Variants in PARVA observed in about 807,000 individuals in gnomAD.
PARVA encodes the protein alpha-parvin.
PARVA carries 25 observed loss-of-function variants against 52.6 expected under a neutral mutation model. The observed-to-expected ratio is 0.48, with a 90% confidence interval of 0.35 to 0.66. The LOEUF is 0.66. Ranked by LOEUF, PARVA falls within the 30% of genes least tolerant of loss-of-function variation. The pLI, the probability that PARVA is intolerant of heterozygous loss-of-function variation, is 0.01. For missense variants in PARVA, 373 were observed against 450.9 expected (o/e 0.83, Z 1.56); for synonymous variants, 185 against 179.1 (o/e 1.03, Z -0.26).
At position 12,517,693 on chromosome 11, in the gene PARVA, G is replaced by A. The variant is rs138164064; in HGVS notation, c.951G>A (p.Pro317=). The A allele has an allele frequency of 4.0e-5, 64 of 1,600,042 alleles. No homozygotes were observed. The highest frequency in any genetic ancestry group is 1.7e-4 in the South Asian group (15 of 88,244). ...CCCTGCACAGCTTCTTCCTGACCCC[G>A]GACAGCTTTGAACAGAAGGTAAGGA... is the stretch of plus-strand genomic sequence containing the variant. ...FVPLHSFFLT[P]DSFEQKVLNV... is the part of the protein sequence containing the mutation. Residue 317 remains proline, a synonymous_variant, in exon 11 of 13, where the codon CCG becomes CCA. Coordinates refer to ENST00000334956, the MANE Select transcript of PARVA (RefSeq NM_018222.5).
chr11:12,494,025 T>C (rs1941264815), intron 4 of PARVA, among the ~76,000 whole-genome samples: 1 of 152,172 alleles, frequency 6.6e-6, no homozygotes, highest in African/African-American at 2.4e-5. Flanking sequence ...TCAGATATGA[T>C]CATTTGCTAG....
chr11:12,451,911 C>T (rs552294488), intron 1 of PARVA, among the ~76,000 whole-genome samples: 6 of 152,062 alleles, frequency 3.9e-5, no homozygotes, highest in Non-Finnish European at 8.8e-5. Flanking sequence ...ATGGAAAGAG[C>T]CCCTTTCTCA....
chr11:12,475,125 G>A (rs1208358255), intron 3 of PARVA, among the ~76,000 whole-genome samples: 1 of 152,150 alleles, frequency 6.6e-6, no homozygotes, highest in African/African-American at 2.4e-5. Flanking sequence ...TTCAACCTGA[G>A]ATCAGCCACT....
At chr11:12,452,029 C>T (rs1415783670) in intron 1 of PARVA, among the ~76,000 whole-genome samples, 10 of 151,798 alleles carry the variant, frequency 6.6e-5, no homozygotes, top group Admixed American at 6.6e-4. Context: ...GGGTGAAGTA[C>T]CCCAGATAGT....
At chr11:12,417,428 G>A (rs1589949759) in intron 1 of PARVA, among the ~76,000 whole-genome samples, 1 of 151,902 alleles carries the variant, frequency 6.6e-6, no homozygotes, top group Non-Finnish European at 1.5e-5. Flanking sequence ...TATTTGTAAG[G>A]GTATATATGT....
rs527990535 is a variant in PARVA, at chr11:12,423,864, A to C, written c.136+46081A>C. Among the ~76,000 whole-genome samples, 5 of 152,330 alleles carry C rather than the reference A, an allele frequency of 3.3e-5. No individual in the cohort carries two copies. The South Asian group carries it at 1.0e-3, about 32-fold the overall frequency. ...ATTCAGCAAAATTCAGTTTTGATGA[A>C]GATCACTTTATAATATGTCTTAAAA... On this transcript the variant is annotated intron_variant, in intron 1 of 12. Coordinates refer to ENST00000334956, the MANE Select transcript of PARVA (RefSeq NM_018222.5).
At chr11:12,455,104 C>G (rs1388210139) in intron 1 of PARVA, among the ~76,000 whole-genome samples, 1 of 152,092 alleles carries the variant, frequency 6.6e-6, no homozygotes, top group Admixed American at 6.5e-5. Context: ...TTCCCCTGAC[C>G]CCTGCATTTC....
At chr11:12,512,150 T>C (rs566668494) in intron 8 of PARVA, among the ~76,000 whole-genome samples, 1 of 152,316 alleles carries the variant, frequency 6.6e-6, no homozygotes, top group East Asian at 1.9e-4. Flanking sequence ...AAAGATTCAT[T>C]AGCTTGCCCG....
intron 1 of PARVA, among the ~76,000 whole-genome samples, chr11:12,394,246 T>C (rs1939703491): frequency 6.6e-6 from 1 of 152,140 alleles, no homozygotes; most frequent in African/African-American, 2.4e-5. Flanking sequence ...TAGGAAGGGA[T>C]TGAAGGGAAG....
At chr11:12,380,276 G>A (rs993751686) in intron 1 of PARVA, among the ~76,000 whole-genome samples, 2 of 142,164 alleles carry the variant, frequency 1.4e-5, no homozygotes, top group African/African-American at 5.7e-5. Context: ...AACTAAGAAG[G>A]GATGCTGAGG....
intron 1 of PARVA, among the ~76,000 whole-genome samples, chr11:12,457,143 G>A (rs77638919): frequency 0.041 from 6,192 of 152,226 alleles, 165 homozygotes; most frequent in Non-Finnish European, 0.058. Flanking sequence ...CCATTGAATC[G>A]AATCAAATGG....
intron 1 of PARVA, among the ~76,000 whole-genome samples, chr11:12,406,832 G>A (rs1939919239): frequency 1.3e-5 from 2 of 151,766 alleles, no homozygotes; most frequent in African/African-American, 2.4e-5. Flanking sequence ...CACCATGCCC[G>A]GCTAATTGTT....
chr11:12,456,512 G>C (rs1940700087), intron 1 of PARVA, among the ~76,000 whole-genome samples: 1 of 151,948 alleles, frequency 6.6e-6, no homozygotes, highest in African/African-American at 2.4e-5. Context: ...AACTCTGCTT[G>C]TATCTTGTGG....
At chr11:12,502,025 G>A (rs1941369256) in intron 5 of PARVA, among the ~76,000 whole-genome samples, 1 of 152,204 alleles carries the variant, frequency 6.6e-6, no homozygotes, top group Non-Finnish European at 1.5e-5. Flanking sequence ...ACCTGGATTT[G>A]CCTCTGATGG....
chr11:12,449,973 T>A (rs529938685), intron 1 of PARVA, among the ~76,000 whole-genome samples: 12 of 152,370 alleles, frequency 7.9e-5, no homozygotes, highest in Non-Finnish European at 1.6e-4. Flanking sequence ...ATCAGATAGA[T>A]TCTTACCATG....
intron 1 of PARVA, among the ~76,000 whole-genome samples, chr11:12,387,422 C>T (rs1045815044): frequency 2.6e-5 from 4 of 152,156 alleles, no homozygotes. Context: ...TAAAATGCTT[C>T]TTAACTAACT....
intron 1 of PARVA, among the ~76,000 whole-genome samples, chr11:12,449,949 A>G (rs1205686173): frequency 2.6e-5 from 4 of 152,252 alleles, no homozygotes; most frequent in Non-Finnish European, 4.4e-5. Context: ...AATCACCACT[A>G]GCGACTAACA....
chr11:12,487,454 ATATGC>A (rs1941173823), intron 4 of PARVA, among the ~76,000 whole-genome samples: 1 of 152,234 alleles, frequency 6.6e-6, no homozygotes, highest in South Asian at 2.1e-4. Context: ...ACCAATAGCC[ATATGC>A]AGCTGTTAAA....
Position 12,482,295 on chromosome 11 carries a change from CACTGCTCAT to C in PARVA, c.400+4348_400+4356del, listed in dbSNP as rs370394812. 3.7e-3 allele frequency among the ~76,000 whole-genome samples: 568 copies of C among 152,160 alleles called. 3 individuals carry two copies. Among genetic ancestry groups the C allele is most frequent in the African/African-American group, 0.013 (546 of 41,526 alleles). Reference sequence around the variant, plus strand: ...GTGGCAGTGTATTAGTCTGTTCTCACACTGCTCATAAAGATATACCCAAGGCTGGGTAAT... The same window carrying C: ...GTGGCAGTGTATTAGTCTGTTCTCACAAAGATATACCCAAGGCTGGGTAAT... On this transcript the variant is annotated intron_variant, in intron 4 of 12. Transcript: ENST00000334956.
Sources: allele counts gnomAD v4.1 joint callset (sites outside exome capture counted in the v4.1 genomes callset), GRCh38; gene constraint gnomAD v4.1.1; transcripts MANE v1.5; gene names NCBI Gene and HGNC (gene_info 2026-07-23, HGNC 2026-07-21).